The following KIFAP3 variants were observed in gnomAD, a reference collection of about 807,000 sequenced individuals.
KIFAP3 encodes the protein kinesin-associated protein 3.
A neutral mutation model predicts 106.5 loss-of-function variants in KIFAP3; 68 were observed. The ratio of observed to expected loss-of-function variants is 0.64; its 90% confidence interval spans 0.53 to 0.78. The LOEUF (loss-of-function observed/expected upper bound fraction) is 0.78, where lower values mean the gene tolerates loss of function less well. Among genes scored for constraint, KIFAP3 ranks in the 30% least tolerant of loss-of-function variants. The pLI, the probability that KIFAP3 is intolerant of heterozygous loss-of-function variation, is 0.00. For synonymous variants in KIFAP3, 320 were observed against 311.5 expected (o/e 1.03, Z -0.29); for missense variants, 780 against 941.8 (o/e 0.83, Z 2.25).
At chr1:169,966,988 ATTTATG>A (rs1464577241) in intron 17 of KIFAP3, among the ~76,000 whole-genome samples, 1 of 151,218 alleles carries the variant, frequency 6.6e-6, no homozygotes, top group Non-Finnish European at 1.5e-5. Flanking sequence ...AATGCTGACC[ATTTATG>A]TTTATGTTTC....
intron 9 of KIFAP3, 47 bp downstream of exon 9, chr1:170,024,371 G>T: frequency 7.8e-7 from 1 of 1,276,966 alleles, no homozygotes; most frequent in Non-Finnish European, 1.1e-6. Flanking sequence ...ATTCTAACTT[G>T]AAAATGGCAA....
chr1:170,041,166 C>A (rs1323736560), intron 3 of KIFAP3, among the ~76,000 whole-genome samples: 1 of 152,102 alleles, frequency 6.6e-6, no homozygotes, highest in Non-Finnish European at 1.5e-5. Flanking sequence ...ATTCATTCAA[C>A]AAATATATTT....
chr1:169,978,252 G>T, intron 15 of KIFAP3, 69 bp from the exon 16 acceptor site: 2 of 992,044 alleles, frequency 2.0e-6, no homozygotes, highest in Non-Finnish European at 3.1e-6. Context: ...TAATTGAGGG[G>T]AATAATATAG....
intron 1 of KIFAP3, among the ~76,000 whole-genome samples, chr1:170,056,341 T>C (rs945119424): frequency 1.3e-5 from 2 of 152,158 alleles, no homozygotes; most frequent in Non-Finnish European, 2.9e-5. Flanking sequence ...GTGTCAATAG[T>C]AGGTTCTATG....
rs550190055 is a variant in KIFAP3, at chr1:170,013,903, C to A, written c.1183+2559G>T. Among the ~76,000 whole-genome samples, 5 of 152,262 alleles carry A rather than the reference C, an allele frequency of 3.3e-5. No homozygotes were observed. In the South Asian group the frequency reaches 8.3e-4, roughly 25 times the overall value. On this transcript the variant is annotated intron_variant, in intron 10 of 19. Coordinates refer to ENST00000361580, the MANE Select transcript of KIFAP3 (RefSeq NM_014970.4). ...AGAAAAGCATGCAATTCTCCATATC[C>A]CTGTTCCGTCACACTTCTCTATTTC...
At position 169,982,030 on chromosome 1, in the gene KIFAP3, A is replaced by G; in HGVS notation, c.1740T>C (p.Ser580=). The stretch of plus-strand genomic sequence containing the variant: ...CAGATTTGGCTAGCAATGCAGCACA[A>G]GAGTCATCCATGGATACAGTTCCAA... The part of the protein sequence containing the change: ...IMIGTVSMDD[S]CAALLAKSGI... The change falls in exon 15 of 20, where the codon TCT becomes TCC. Residue 580 remains serine (S), a synonymous_variant. Coordinates refer to ENST00000361580, the MANE Select transcript of KIFAP3 (RefSeq NM_014970.4). 6.2e-7 allele frequency: 1 copy of G among 1,613,328 alleles called. No individual in the cohort carries two copies. The highest frequency in any genetic ancestry group is 1.3e-5 in the African/African-American group (1 of 75,038).
intron 10 of KIFAP3, among the ~76,000 whole-genome samples, chr1:169,995,672 ATACTC>A (rs756178789): frequency 5.3e-5 from 8 of 152,228 alleles, no homozygotes; most frequent in South Asian, 4.1e-4. Context: ...AAGCTATTCT[ATACTC>A]TAGGAGAATC....
At chr1:169,985,025 TCA>T (rs1666745988) in intron 11 of KIFAP3, among the ~76,000 whole-genome samples, 1 of 151,730 alleles carries the variant, frequency 6.6e-6, no homozygotes, top group African/African-American at 2.4e-5. Context: ...TATGCAAAGG[TCA>T]CAATGCAGGA....
At chr1:169,992,073 A>G in intron 11 of KIFAP3, 82 bp downstream of exon 11, 2 of 602,712 alleles carry the variant, frequency 3.3e-6, no homozygotes, top group Non-Finnish European at 5.1e-6. Context: ...TTTTAGAGAG[A>G]AAATCTTGAC....
At chr1:170,007,608 C>T (rs1008160467) in intron 10 of KIFAP3, among the ~76,000 whole-genome samples, 5 of 151,924 alleles carry the variant, frequency 3.3e-5, no homozygotes, top group Admixed American at 1.3e-4. Context: ...CACTGCTCAA[C>T]GAAATAAGAG....
In KIFAP3 at chr1:169,936,379, G is replaced by A. The variant is rs149030314; in HGVS notation, c.2274-14598C>T. On this transcript the variant is annotated intron_variant, in intron 19 of 19. Coordinates refer to ENST00000361580, the MANE Select transcript of KIFAP3 (RefSeq NM_014970.4). ...ATTACATTTTTTAGGACTCTGATGT[G>A]TTTCTAAAGAGGCAATATCTCTATT... Among the ~76,000 whole-genome samples, 62 of 151,848 alleles carry A rather than the reference G, an allele frequency of 4.1e-4. No homozygotes were observed. The East Asian group carries it at 0.01, about 25-fold the overall frequency.
chr1:170,053,373 T>A (rs534851539), intron 2 of KIFAP3, among the ~76,000 whole-genome samples: 1 of 151,972 alleles, frequency 6.6e-6, no homozygotes, highest in African/African-American at 2.4e-5. Context: ...AAACATCCCA[T>A]CCTCATGGAT....
chr1:170,044,965 T>C (rs1670168455), intron 3 of KIFAP3, among the ~76,000 whole-genome samples: 1 of 152,244 alleles, frequency 6.6e-6, no homozygotes, highest in Admixed American at 6.5e-5. Context: ...TTTGCCTTTC[T>C]ACCTGAGTTC....
intron 9 of KIFAP3, chr1:170,024,146 A>T: frequency 9.2e-6 from 2 of 216,392 alleles, no homozygotes; most frequent in Non-Finnish European, 1.8e-5. Flanking sequence ...AAAATTTTAA[A>T]TTTAAACAAA....
At chr1:170,032,693 T>C (rs1036530014) in intron 7 of KIFAP3, among the ~76,000 whole-genome samples, 4 of 151,620 alleles carry the variant, frequency 2.6e-5, no homozygotes, top group African/African-American at 9.7e-5. Flanking sequence ...TAGGACATAA[T>C]AAAATAGCAA....
intron 3 of KIFAP3, among the ~76,000 whole-genome samples, chr1:170,043,021 A>G (rs1670062132): frequency 6.6e-6 from 1 of 152,186 alleles, no homozygotes; most frequent in South Asian, 2.1e-4. Flanking sequence ...GCTCCCCAGA[A>G]GTTGTATCCA....
intron 19 of KIFAP3, among the ~76,000 whole-genome samples, chr1:169,953,216 G>A (rs776087245): frequency 2.2e-4 from 34 of 151,800 alleles, no homozygotes; most frequent in Non-Finnish European, 4.0e-4. Context: ...ATATGCTGTG[G>A]GGAACTTTAT....
At chr1:169,977,903 T>G (rs1322921895) in intron 16 of KIFAP3, among the ~76,000 whole-genome samples, 182 bp downstream of exon 16, 1 of 152,014 alleles carries the variant, frequency 6.6e-6, no homozygotes, top group Admixed American at 6.6e-5. Flanking sequence ...CTCATTATAT[T>G]CTACCTATAT....
intron 8 of KIFAP3, among the ~76,000 whole-genome samples, chr1:170,031,587 G>C (rs1024513428): frequency 4.0e-5 from 6 of 151,690 alleles, no homozygotes; most frequent in Admixed American, 3.3e-4. Context: ...AAACAAGTAA[G>C]TTAGGGCTGA....
Sources: gnomAD v4.1 joint callset for allele counts (sites outside exome capture counted in the v4.1 genomes callset) on GRCh38, gnomAD v4.1.1 for gene constraint, MANE v1.5 for transcripts, NCBI Gene and HGNC (gene_info 2026-07-23, HGNC 2026-07-21) for gene names.